The following MBD5 variants were observed in gnomAD, a reference collection of about 807,000 sequenced individuals.
MBD5 encodes methyl-CpG-binding domain protein 5.
MBD5 carries 13 observed loss-of-function variants against 117.3 expected under a neutral mutation model. That is an observed-to-expected ratio of 0.11 (90% CI 0.07 to 0.18). The LOEUF (loss-of-function observed/expected upper bound fraction) is 0.18. MBD5 is among the 10% of genes least tolerant of loss of function. MBD5 has a pLI of 1.00. For synonymous variants in MBD5, 727 were observed against 766.4 expected (o/e 0.95, Z 0.85); for missense variants, 1,879 against 2,093.8 (o/e 0.90, Z 2.00).
chr2:148,056,558 A>G (rs1359932186), intron 1 of MBD5, among the ~76,000 whole-genome samples: 2 of 152,086 alleles, frequency 1.3e-5, no homozygotes, highest in African/African-American at 4.8e-5. Flanking sequence ...TATTGAGATG[A>G]TAACTGTATA....
chr2:148,148,348 T>A (rs78770805), intron 1 of MBD5, among the ~76,000 whole-genome samples: 3,944 of 152,296 alleles, frequency 0.026, 98 homozygotes, highest in African/African-American at 0.066. Context: ...TAGTGAAGCT[T>A]TTGGCTTTTG....
rs1701004433 is a variant in MBD5 at position 148,272,313 on chromosome 2, G to A, written c.-680+38918G>A. On this transcript the variant is annotated intron_variant, in intron 3 of 13. Coordinates refer to ENST00000642680, the MANE Select transcript of MBD5 (RefSeq NM_001378120.1). Reference sequence around the variant, plus strand: ...TCCTCTGGATAATACCCACTAGTGGGATCATGTACTAGTTCTGTTTTTAAG... The same window carrying A: ...TCCTCTGGATAATACCCACTAGTGGAATCATGTACTAGTTCTGTTTTTAAG... 2.0e-5 allele frequency among the ~76,000 whole-genome samples: 3 copies of A among 152,268 alleles called. No homozygotes were observed. In the South Asian group the frequency reaches 6.2e-4, roughly 32 times the overall value.
chr2:148,021,691 GTGT>G lies in MBD5; in HGVS notation c.-925+8_-925+10del. 2.8e-6 allele frequency: 1 copy of G among 363,288 alleles called. No individual in the cohort carries two copies. The highest frequency in any genetic ancestry group is 3.4e-5 in the Admixed American group (1 of 29,614). The allele number at this position is 363,288 out of a possible 1,614,324, so 22.5% of individuals were successfully genotyped here. On this transcript the variant is annotated splice_region_variant and intron_variant, in intron 1 of 13. Transcript: ENST00000642680. ...AAAGTGGGGGGCAGGAAAGGTAAGT[GTGT>G]CTGTGGGGGCTTCATTGCCTTCCTC...
chr2:148,189,454 C>A (rs1439639588), intron 2 of MBD5, among the ~76,000 whole-genome samples: 1 of 143,054 alleles, frequency 7.0e-6, no homozygotes, highest in African/African-American at 2.7e-5. Flanking sequence ...GACCCGTGAC[C>A]CCCGAGCAGC....
At chr2:148,205,878 A>C (rs1317453814) in intron 2 of MBD5, among the ~76,000 whole-genome samples, 1 of 151,996 alleles carries the variant, frequency 6.6e-6, no homozygotes, top group East Asian at 1.9e-4. Context: ...TACAAAAATC[A>C]GCCAGTGATC....
chr2:148,160,500 C>T (rs77392223), intron 1 of MBD5, among the ~76,000 whole-genome samples: 5,703 of 152,166 alleles, frequency 0.037, 290 homozygotes, highest in African/African-American at 0.11. Flanking sequence ...GTAGTGTGGC[C>T]ATTATGTGCT....
intron 4 of MBD5, among the ~76,000 whole-genome samples, chr2:148,398,827 G>C (rs1377831576): frequency 6.6e-6 from 1 of 152,162 alleles, no homozygotes; most frequent in Non-Finnish European, 1.5e-5. Flanking sequence ...ATTAATTTTT[G>C]TATAAGGTGT....
chr2:148,215,583 A>G (rs1033452095), intron 2 of MBD5, among the ~76,000 whole-genome samples: 1 of 151,308 alleles, frequency 6.6e-6, no homozygotes, highest in Non-Finnish European at 1.5e-5. Context: ...TCACCCAGGC[A>G]CCATCATACC....
intron 4 of MBD5, among the ~76,000 whole-genome samples, chr2:148,396,851 G>A (rs1298212814): frequency 2.0e-5 from 3 of 152,120 alleles, no homozygotes; most frequent in African/African-American, 7.2e-5. Context: ...ATGATAATGG[G>A]TCTCCAATAT....
chr2:148,447,200 AAAG>A (rs1706577765), intron 4 of MBD5, among the ~76,000 whole-genome samples: 4 of 11,216 alleles, frequency 3.6e-4, no homozygotes, highest in African/African-American at 4.2e-4. Context: ...AGAAAGAAAG[AAAG>A]AAAGAAAGAA....
intron 4 of MBD5, among the ~76,000 whole-genome samples, chr2:148,404,556 C>T (rs913202863): frequency 5.9e-5 from 9 of 152,172 alleles, no homozygotes; most frequent in African/African-American, 2.2e-4. Context: ...AGATACGTTT[C>T]CTCTACTTAG....
intron 1 of MBD5, among the ~76,000 whole-genome samples, chr2:148,154,606 T>C (rs878946494): frequency 1.3e-5 from 2 of 152,356 alleles, no homozygotes; most frequent in Admixed American, 6.5e-5. Flanking sequence ...TAGGACCCTC[T>C]GAGCCAGGTG....
intron 3 of MBD5, among the ~76,000 whole-genome samples, chr2:148,307,623 T>C (rs1701924877): frequency 6.6e-6 from 1 of 152,158 alleles, no homozygotes; most frequent in South Asian, 2.1e-4. Context: ...TTTCTAGTAG[T>C]TTAAATTACA....
At chr2:148,296,815 A>G (rs1034538800) in intron 3 of MBD5, 2 of 142,528 alleles carry the variant, frequency 1.4e-5, no homozygotes, top group African/African-American at 5.1e-5. Flanking sequence ...AAAATGTTGT[A>G]ATCATACTTT....
At chr2:148,191,032 G>A (rs1340623414) in intron 2 of MBD5, among the ~76,000 whole-genome samples, 1 of 148,518 alleles carries the variant, frequency 6.7e-6, no homozygotes, top group Admixed American at 6.7e-5. Context: ...AATGGTAAAG[G>A]GATCAATTCA....
chr2:148,254,010 C>T (rs962498476), intron 3 of MBD5, among the ~76,000 whole-genome samples: 4 of 152,206 alleles, frequency 2.6e-5, no homozygotes, highest in Non-Finnish European at 4.4e-5. Flanking sequence ...CAGGGGCACC[C>T]TCTGGGCAGG....
chr2:148,163,578 G>A (rs1279460590), intron 1 of MBD5, among the ~76,000 whole-genome samples: 2 of 152,014 alleles, frequency 1.3e-5, no homozygotes, highest in South Asian at 2.1e-4. Flanking sequence ...ACCACGCCTG[G>A]CTAATTTTGT....
chr2:148,178,522 C>T (rs531987792), intron 1 of MBD5, among the ~76,000 whole-genome samples, 178 bp from the exon 2 acceptor site: 15 of 152,196 alleles, frequency 9.9e-5, no homozygotes, highest in African/African-American at 2.9e-4. Context: ...TTCTTCTAAA[C>T]GGTTAATCTT....
At chr2:148,088,682 GA>G (rs571625907) in intron 1 of MBD5, among the ~76,000 whole-genome samples, 114 of 152,142 alleles carry the variant, frequency 7.5e-4, no homozygotes, top group African/African-American at 2.6e-3. Context: ...ACTACCAAGT[GA>G]ACACTACAAG....
Sources: gnomAD v4.1 joint callset for allele counts (sites outside exome capture counted in the v4.1 genomes callset) on GRCh38, gnomAD v4.1.1 for gene constraint, MANE v1.5 for transcripts, NCBI Gene and HGNC (gene_info 2026-07-23, HGNC 2026-07-21) for gene names.